Variants in ATXN7L1 observed in about 807,000 individuals in gnomAD.
The protein encoded by ATXN7L1 is ataxin-7-like protein 1.
ATXN7L1 carries 15 observed loss-of-function variants against 70.8 expected under a neutral mutation model. That is an observed-to-expected ratio of 0.21 (90% CI 0.14 to 0.33). ATXN7L1 has a LOEUF of 0.33. ATXN7L1 is among the 10% of genes least tolerant of loss of function. The pLI, the probability that ATXN7L1 is intolerant of heterozygous loss-of-function variation, is 1.00. For synonymous variants in ATXN7L1, 440 were observed against 445.1 expected, an observed-to-expected ratio of 0.99 and a Z score of 0.14; for missense variants, 975 against 1,097.1, an observed-to-expected ratio of 0.89 and a Z score of 1.57.
intron 2 of ATXN7L1, among the ~76,000 whole-genome samples, chr7:105,812,932 G>A (rs1563113817): frequency 6.6e-6 from 1 of 152,142 alleles, no homozygotes; most frequent in Non-Finnish European, 1.5e-5. Flanking sequence ...AGCCTGGGAG[G>A]TCAAGGCTGC....
At chr7:105,728,117 G>A (rs1045719218) in intron 3 of ATXN7L1, among the ~76,000 whole-genome samples, 3 of 152,130 alleles carry the variant, frequency 2.0e-5, no homozygotes, top group African/African-American at 7.2e-5. Flanking sequence ...AAATTAAAAG[G>A]TATTTCCTTA....
chr7:105,846,983 T>C (rs1416660336), intron 2 of ATXN7L1, among the ~76,000 whole-genome samples: 1 of 152,200 alleles, frequency 6.6e-6, no homozygotes, highest in Non-Finnish European at 1.5e-5. Context: ...CAACTGCTAA[T>C]GGGTACAAGG....
chr7:105,691,918 T>G (rs1397300258), intron 3 of ATXN7L1, among the ~76,000 whole-genome samples: 1 of 152,186 alleles, frequency 6.6e-6, no homozygotes. Context: ...CAGAAGTTCA[T>G]AGAACTGACC....
intron 2 of ATXN7L1, among the ~76,000 whole-genome samples, 157 bp downstream of exon 2, chr7:105,875,655 G>A (rs1422302858): frequency 8.7e-6 from 1 of 115,016 alleles, no homozygotes; most frequent in Non-Finnish European, 1.6e-5. Flanking sequence ...TTTATACTTT[G>A]AAAGAAGTTA....
intron 4 of ATXN7L1, among the ~76,000 whole-genome samples, chr7:105,662,074 CCTTCCTTCTTTCT>C (rs1472066542): frequency 2.7e-3 from 221 of 83,116 alleles, no homozygotes; most frequent in East Asian, 6.3e-3. Context: ...TTCCTTCCTT[CCTTCCTTCTTTCT>C]TTTCTTTTCT....
chr7:105,654,188 C>T (rs200119186), intron 4 of ATXN7L1, among the ~76,000 whole-genome samples: 1 of 152,176 alleles, frequency 6.6e-6, no homozygotes, highest in Non-Finnish European at 1.5e-5. Flanking sequence ...ACAATAAAAA[C>T]CAAACTGGCA....
intron 7 of ATXN7L1, among the ~76,000 whole-genome samples, chr7:105,626,651 C>T (rs536516490): frequency 7.9e-5 from 12 of 152,266 alleles, no homozygotes; most frequent in South Asian, 4.2e-4. Flanking sequence ...GCATCTCTCC[C>T]GACGTTCCTC....
intron 3 of ATXN7L1, among the ~76,000 whole-genome samples, chr7:105,756,385 T>G (rs907822560): frequency 9.2e-5 from 14 of 152,182 alleles, no homozygotes; most frequent in African/African-American, 3.1e-4. Context: ...GTGAATGTGA[T>G]TTATGAAAAA....
At chr7:105,660,643 C>T (rs550828341) in intron 4 of ATXN7L1, among the ~76,000 whole-genome samples, 4 of 123,180 alleles carry the variant, frequency 3.2e-5, no homozygotes, top group African/African-American at 6.5e-5. Context: ...AGTGCAGTGG[C>T]GCAATGTTGG....
intron 3 of ATXN7L1, among the ~76,000 whole-genome samples, chr7:105,749,203 G>C (rs1299450955): frequency 6.7e-6 from 1 of 149,014 alleles, no homozygotes; most frequent in Non-Finnish European, 1.5e-5. Flanking sequence ...GGGTTTCAGA[G>C]GAAATTCCTT....
chr7:105,818,931 A>G (rs953416340), intron 2 of ATXN7L1, among the ~76,000 whole-genome samples: 6 of 151,510 alleles, frequency 4.0e-5, no homozygotes, highest in African/African-American at 1.5e-4. Context: ...ACATGTGCAC[A>G]ATGTACAGGT....
At chr7:105,725,934 G>A (rs919653320) in intron 3 of ATXN7L1, among the ~76,000 whole-genome samples, 3 of 129,742 alleles carry the variant, frequency 2.3e-5, no homozygotes, top group African/African-American at 8.7e-5. Context: ...ACAGAGTCTT[G>A]CTCCGTCGTC....
In ATXN7L1 at chr7:105,616,271, C is replaced by T. The variant is rs1793880221; in HGVS notation, c.1518-1455G>A. On this transcript the variant is annotated intron_variant, in intron 9 of 11. Coordinates refer to ENST00000419735, the MANE Select transcript of ATXN7L1 (RefSeq NM_020725.2). ...TTTCTCTTCTTTGGAGGCCACTCTC[C>T]CAGCTGTAGCATCAGGACCAGGTGC... 3.9e-5 allele frequency among the ~76,000 whole-genome samples: 6 copies of T among 152,290 alleles called. No individual in the cohort carries two copies. The South Asian group carries it at 1.2e-3, about 32-fold the overall frequency.
In ATXN7L1 at chr7:105,644,142, A is replaced by T. The variant is rs532866690; in HGVS notation, c.579-1021T>A. On this transcript the variant is annotated intron_variant, in intron 4 of 11. Coordinates refer to ENST00000419735, the MANE Select transcript of ATXN7L1 (RefSeq NM_020725.2). Reference sequence around the variant, plus strand: ...ATATGGCTTTTACATTCCTGCAGACAATGTAGGGCAGGAAAGAGGGGCTGT... The same window carrying T: ...ATATGGCTTTTACATTCCTGCAGACTATGTAGGGCAGGAAAGAGGGGCTGT... 5.3e-5 allele frequency among the ~76,000 whole-genome samples: 8 copies of T among 152,290 alleles called. No homozygotes were observed. In the East Asian group the frequency reaches 1.5e-3, roughly 29 times the overall value.
In ATXN7L1 at chr7:105,780,503, T is replaced by G. The variant is rs140001973; in HGVS notation, c.355+8101A>C. On this transcript the variant is annotated intron_variant, in intron 3 of 11. Coordinates refer to ENST00000419735, the MANE Select transcript of ATXN7L1 (RefSeq NM_020725.2). ...TCTCTGAGAAGGAGGAAAAAAAATC[T>G]AATCCTCTCTTGTCTATTGAATGAC... Among the ~76,000 whole-genome samples the G allele has an allele frequency of 1.1e-4, 17 of 152,208 alleles. No homozygotes were observed. The East Asian group carries it at 2.7e-3, about 24-fold the overall frequency.
intron 3 of ATXN7L1, among the ~76,000 whole-genome samples, chr7:105,671,322 T>A (rs1045323721): frequency 6.6e-6 from 1 of 151,990 alleles, no homozygotes. Flanking sequence ...GATTCAGAAT[T>A]ATTTCCTTGA....
At chr7:105,779,464 A>C (rs78131811) in intron 3 of ATXN7L1, among the ~76,000 whole-genome samples, 2 of 152,314 alleles carry the variant, frequency 1.3e-5, no homozygotes, top group Non-Finnish European at 2.9e-5. Flanking sequence ...AAGTGAAGCA[A>C]AACATGGTCC....
At chr7:105,826,782 C>T (rs1563124925) in intron 2 of ATXN7L1, among the ~76,000 whole-genome samples, 1 of 151,988 alleles carries the variant, frequency 6.6e-6, no homozygotes, top group Non-Finnish European at 1.5e-5. Flanking sequence ...TAGGACCTTC[C>T]CATGGTTTTT....
chr7:105,841,304 ACT>A (rs1417039963), intron 2 of ATXN7L1, among the ~76,000 whole-genome samples: 1 of 152,108 alleles, frequency 6.6e-6, no homozygotes, highest in Non-Finnish European at 1.5e-5. Flanking sequence ...TTGGACAAGT[ACT>A]CTGTTTCCTT....
Sources: gnomAD v4.1 joint callset for allele counts (sites outside exome capture counted in the v4.1 genomes callset) on GRCh38, gnomAD v4.1.1 for gene constraint, MANE v1.5 for transcripts, NCBI Gene and HGNC (gene_info 2026-07-23, HGNC 2026-07-21) for gene names.